The following PRRG1 variants were observed in gnomAD, a reference collection of about 807,000 sequenced individuals.
PRRG1 encodes proline rich and Gla domain 1, also known as transmembrane gamma-carboxyglutamic acid protein 1.
A neutral mutation model predicts 11.8 loss-of-function variants in PRRG1; 5 were observed. The ratio of observed to expected loss-of-function variants is 0.42; its 90% CI spans 0.22 to 0.89. The LOEUF is 0.89. Ranked by LOEUF, PRRG1 falls within the 40% of genes least tolerant of loss-of-function variation. The pLI is 0.28. For synonymous variants in PRRG1, 66 were observed against 60.4 expected, an observed-to-expected ratio of 1.09 and a Z score of -0.43; for missense variants, 155 against 166.1, an observed-to-expected ratio of 0.93 and a Z score of 0.37.
intron 3 of PRRG1, among the ~76,000 whole-genome samples, chrX:37,447,030 A>G (rs1933089990): frequency 8.9e-6 from 1 of 111,773 alleles, no homozygotes; most frequent in Middle Eastern, 4.6e-3. Context: ...AACTTCCAAC[A>G]TGAGTTTTAT....
At position 37,450,990 on chromosome X, in the gene PRRG1, T is replaced by TG. The variant is rs1556396401; in HGVS notation, c.172-2145dup. Among the ~76,000 whole-genome samples the TG allele has an allele frequency of 1.0e-3, 110 of 104,889 alleles. 1 individual carries two copies. Among genetic ancestry groups the TG allele is most frequent in the African/African-American group, 3.6e-3 (102 of 27,958 alleles). The allele number at this position is 104,889 out of a possible 115,157, so 91.1% of individuals were successfully genotyped here. A position where few individuals can be genotyped will look rare whatever the true frequency, so the allele number is the denominator to read the frequency against. ...ACAAGTGATTCGTTTTCATTTTTGC[T>TG]GTTTTTGTTTTGTTTTGTTTTGTTT... On this transcript the variant is annotated intron_variant, in intron 3 of 3. Coordinates refer to ENST00000378628, the MANE Select transcript of PRRG1 (RefSeq NM_001142395.2).
chrX:37,440,367 G>A (rs1467288531), intron 3 of PRRG1, among the ~76,000 whole-genome samples: 3 of 111,859 alleles, frequency 2.7e-5, no homozygotes, highest in Non-Finnish European at 5.6e-5. Context: ...GCCGATTTGG[G>A]AGGAGTATAG....
chrX:37,412,731 A>T (rs926225349), intron 2 of PRRG1, among the ~76,000 whole-genome samples: 49 of 110,918 alleles, frequency 4.4e-4, no homozygotes, highest in African/African-American at 1.6e-3. Flanking sequence ...GGTTACTTTT[A>T]AAAAACTCAT....
chrX:37,401,283 A>G (rs1470628202), intron 1 of PRRG1, among the ~76,000 whole-genome samples: 1 of 111,117 alleles, frequency 9.0e-6, no homozygotes, highest in Non-Finnish European at 1.9e-5. Flanking sequence ...AAGCTTTTCC[A>G]CCATGATCAA....
chrX:37,351,525 A>AAAG, intron 1 of PRRG1, among the ~76,000 whole-genome samples: 1 of 111,870 alleles, frequency 8.9e-6, no homozygotes, highest in Non-Finnish European at 1.9e-5. Flanking sequence ...AAGAAAGAAA[A>AAAG]AAAAGATAGT....
At position 37,453,159 on chromosome X, in the gene PRRG1, A is replaced by G; in HGVS notation, c.195A>G (p.Thr65=). 1 of 1,207,308 alleles carries G rather than the reference A, an allele frequency of 8.3e-7. No individual in the cohort carries two copies. The highest frequency in any genetic ancestry group is 1.1e-6 in the Non-Finnish European group (1 of 892,003). Residue 65 remains threonine, a synonymous_variant, in exon 4 of 4, where the codon ACA becomes ACG. Transcript: ENST00000378628. ...EKTKEFWSTY[T]KAQQGESNRG... ...AGAAGGAGTTTTGGAGCACCTACAC[A>G]AAAGCGCAACAAGGGGAGAGTAACC...
At chrX:37,369,910 A>G (rs1389302474) in intron 1 of PRRG1, among the ~76,000 whole-genome samples, 2 of 110,329 alleles carry the variant, frequency 1.8e-5, no homozygotes, top group African/African-American at 6.6e-5. Context: ...TGCCATGATT[A>G]TGAGGCCTCC....
At chrX:37,402,586 GT>G (rs1243087941) in intron 1 of PRRG1, among the ~76,000 whole-genome samples, 1 of 111,749 alleles carries the variant, frequency 8.9e-6, no homozygotes, top group Non-Finnish European at 1.9e-5. Flanking sequence ...AGGACTTCAT[GT>G]CTAAAACACC....
intron 2 of PRRG1, among the ~76,000 whole-genome samples, chrX:37,415,552 A>G (rs1478592908): frequency 8.9e-6 from 1 of 112,375 alleles, no homozygotes; most frequent in Non-Finnish European, 1.9e-5. Flanking sequence ...GGAAGAGTTT[A>G]TTGAATATAA....
At chrX:37,445,021 C>T (rs12841220) in intron 3 of PRRG1, among the ~76,000 whole-genome samples, 6,546 of 111,324 alleles carry the variant, frequency 0.059, 207 homozygotes, top group Non-Finnish European at 0.092. Context: ...AAATCCTAAC[C>T]CAGATCCCCA....
At chrX:37,403,723 C>G (rs1221310933) in intron 1 of PRRG1, 1 of 748,382 alleles carries the variant, frequency 1.3e-6, no homozygotes, top group African/African-American at 2.4e-5. Flanking sequence ...GGACCAGAGA[C>G]TAGAACAGCA....
intron 1 of PRRG1, among the ~76,000 whole-genome samples, chrX:37,401,051 A>C (rs1330581567): frequency 2.7e-5 from 3 of 110,758 alleles, no homozygotes; most frequent in Non-Finnish European, 5.7e-5. Flanking sequence ...ATTCTACCAG[A>C]GGTACAAGGA....
chrX:37,396,108 A>T (rs181914475), intron 1 of PRRG1, among the ~76,000 whole-genome samples: 120 of 112,209 alleles, frequency 1.1e-3, no homozygotes, highest in Non-Finnish European at 1.8e-3. Flanking sequence ...AATAATGTGG[A>T]TATTAGTTTG....
intron 1 of PRRG1, among the ~76,000 whole-genome samples, chrX:37,356,097 C>A (rs138855082): frequency 8.9e-6 from 1 of 111,944 alleles, no homozygotes; most frequent in African/African-American, 3.2e-5. Flanking sequence ...GCCTTTGAGG[C>A]GCTTGCATCG....
intron 3 of PRRG1, among the ~76,000 whole-genome samples, chrX:37,448,639 G>A (rs1003051773): frequency 1.8e-5 from 2 of 111,539 alleles, no homozygotes; most frequent in Non-Finnish European, 3.8e-5. Context: ...CCAACCTTTG[G>A]TCTTCATCCC....
At chrX:37,414,032 T>C (rs782454596) in intron 2 of PRRG1, among the ~76,000 whole-genome samples, 1 of 111,774 alleles carries the variant, frequency 8.9e-6, no homozygotes, top group African/African-American at 3.2e-5. Context: ...GTATACTCCA[T>C]GATGTTTGCG....
chrX:37,427,075 C>G (rs1312325413), intron 3 of PRRG1, among the ~76,000 whole-genome samples: 1 of 111,491 alleles, frequency 9.0e-6, no homozygotes, highest in Non-Finnish European at 1.9e-5. Flanking sequence ...GCTGAAGTTA[C>G]TATAAACCAT....
chrX:37,350,912 G>T (rs1930039413), intron 1 of PRRG1, among the ~76,000 whole-genome samples: 1 of 110,832 alleles, frequency 9.0e-6, no homozygotes, highest in Admixed American at 9.6e-5. Context: ...TTTGGGGCAG[G>T]TGGAGGGCGG....
rs1444139274 is a variant in PRRG1, at chrX:37,396,164, G to A, written c.-41-10045G>A. Among the ~76,000 whole-genome samples the A allele has an allele frequency of 5.3e-5, 6 of 112,466 alleles. No individual in the cohort carries two copies. In the Admixed American group the frequency reaches 5.6e-4, roughly 11 times the overall value. On this transcript the variant is annotated intron_variant, in intron 1 of 3. Coordinates refer to ENST00000378628, the MANE Select transcript of PRRG1 (RefSeq NM_001142395.2). ...GAACACTGCATTTCTGCATTGTTAA[G>A]TTGTCATTTCTAAACTGTATGAACA...
Sources: allele counts gnomAD v4.1 joint callset (sites outside exome capture counted in the v4.1 genomes callset), GRCh38; gene constraint gnomAD v4.1.1; transcripts MANE v1.5; gene names NCBI Gene and HGNC (gene_info 2026-07-23, HGNC 2026-07-21).